Variants in GRK5 observed in about 807,000 individuals in gnomAD.
The protein encoded by GRK5 is g protein-coupled receptor kinase GRK5.
In GRK5, 40 loss-of-function variants were observed where a neutral mutation model predicts 78.4. That is an observed-to-expected ratio of 0.51 (90% CI 0.40 to 0.66). GRK5 has a LOEUF of 0.66. Among genes scored for constraint, GRK5 ranks in the 30% least tolerant of loss-of-function variants. The pLI, the probability that GRK5 is intolerant of heterozygous loss-of-function variation, is 0.00. For missense variants in GRK5, 598 were observed against 759.9 expected, an observed-to-expected ratio of 0.79 and a Z score of 2.50; for synonymous variants, 289 against 296.8, an observed-to-expected ratio of 0.97 and a Z score of 0.27.
At chr10:119,209,487 G>GTTTTTTTTTTTTT (rs60169912) in intron 1 of GRK5, among the ~76,000 whole-genome samples, 1 of 98,924 alleles carries the variant, frequency 1.0e-5, no homozygotes, top group African/African-American at 3.7e-5. Context: ...TGTGTGTGTG[G>GTTTTTTTTTTTTT]TTTTTTTTTT....
Position 119,455,683 on chromosome 10 carries a change from G to C in GRK5, c.*616G>C. The C allele has an allele frequency of 4.1e-6, 1 of 243,850 alleles. No homozygotes were observed. The highest frequency in any genetic ancestry group is 7.9e-6 in the Non-Finnish European group (1 of 126,592). 15.1% of individuals were successfully genotyped at this position (243,850 alleles called of 1,614,324 possible). ...ATCTCTGGAGCCATTTCCTCACATT[G>C]GTGTCACCCTTCTGTCGGCTTGGAA... On this transcript the variant is annotated 3_prime_UTR_variant, in exon 16 of 16. Transcript: ENST00000392870.
intron 2 of GRK5, among the ~76,000 whole-genome samples, chr10:119,357,774 A>G (rs1459800606): frequency 7.9e-5 from 12 of 152,058 alleles, no homozygotes. Flanking sequence ...CCACGTAGTT[A>G]AGTCTCCCTC....
At chr10:119,390,391 A>C (rs557790039) in intron 3 of GRK5, among the ~76,000 whole-genome samples, 32 of 152,322 alleles carry the variant, frequency 2.1e-4, no homozygotes, top group African/African-American at 7.7e-4. Context: ...TGCCCTTTAT[A>C]AAACCATCAG....
intron 2 of GRK5, among the ~76,000 whole-genome samples, chr10:119,338,902 A>C (rs1423300295): frequency 6.6e-6 from 1 of 152,234 alleles, no homozygotes; most frequent in African/African-American, 2.4e-5. Context: ...TTTTCCACCT[A>C]GTTTTTGCCA....
intron 1 of GRK5, among the ~76,000 whole-genome samples, chr10:119,219,374 T>G (rs2090283185): frequency 6.6e-6 from 1 of 152,202 alleles, no homozygotes; most frequent in African/African-American, 2.4e-5. Context: ...CCACCACACT[T>G]GACTCTTTGC....
intron 1 of GRK5, among the ~76,000 whole-genome samples, chr10:119,229,773 G>A (rs1848796534): frequency 6.6e-6 from 1 of 152,206 alleles, no homozygotes; most frequent in Admixed American, 6.5e-5. Flanking sequence ...CAGGTGGCTG[G>A]TGGTATGAAG....
In GRK5 at chr10:119,431,177, G is replaced by A. The variant is rs1320879357; in HGVS notation, c.598-210G>A. 6.6e-6 allele frequency among the ~76,000 whole-genome samples: 1 copy of A among 152,190 alleles called. No homozygotes were observed. The highest frequency in any genetic ancestry group is 1.9e-4 in the East Asian group (1 of 5,180). ...CAGGGCTGGGAATCCTTGAAGGAGAGGAGGAGGGAGGGCAAGGGCCCAGGA... is the reference window on the plus strand; with the variant it reads ...CAGGGCTGGGAATCCTTGAAGGAGAAGAGGAGGGAGGGCAAGGGCCCAGGA... On this transcript the variant is annotated intron_variant, in intron 7 of 15. Transcript: ENST00000392870. The surrounding 1 kb of genome is among the most constrained non-coding windows in gnomAD (Gnocchi z 4.8).
chr10:119,263,747 C>A (rs549799558), intron 1 of GRK5, among the ~76,000 whole-genome samples: 1 of 152,116 alleles, frequency 6.6e-6, no homozygotes, highest in African/African-American at 2.4e-5. Context: ...CATGGTGAAA[C>A]CCCATCTCTA....
intron 2 of GRK5, 39 bp downstream of exon 2, chr10:119,326,650 A>G (rs768774762): frequency 2.7e-6 from 4 of 1,493,602 alleles, no homozygotes. Flanking sequence ...GGGAGTGAGT[A>G]GCAGGTGATC....
chr10:119,374,014 C>T (rs551036263), intron 2 of GRK5, among the ~76,000 whole-genome samples: 1 of 152,196 alleles, frequency 6.6e-6, no homozygotes, highest in South Asian at 2.1e-4. Flanking sequence ...GTTTGCCTAC[C>T]CTTGCCTTAG....
intron 1 of GRK5, among the ~76,000 whole-genome samples, chr10:119,318,847 T>C (rs1350859834): frequency 6.6e-6 from 1 of 152,142 alleles, no homozygotes; most frequent in African/African-American, 2.4e-5. Flanking sequence ...GCAACAAGAA[T>C]AACAGCAAGC....
At chr10:119,293,915 C>G (rs1589727127) in intron 1 of GRK5, among the ~76,000 whole-genome samples, 1 of 152,254 alleles carries the variant, frequency 6.6e-6, no homozygotes, top group Non-Finnish European at 1.5e-5. Flanking sequence ...CAAGAGCACT[C>G]TGTGTCTTTT....
intron 1 of GRK5, among the ~76,000 whole-genome samples, chr10:119,281,074 A>ATC (rs1368883479): frequency 6.6e-6 from 1 of 151,738 alleles, no homozygotes; most frequent in Admixed American, 6.6e-5. Context: ...CACCACGCCC[A>ATC]TCTGATTTCC....
chr10:119,346,972 G>T lies in GRK5; in HGVS notation c.148+20361G>T, dbSNP rs150485873. On this transcript the variant is annotated intron_variant, in intron 2 of 15. Coordinates refer to ENST00000392870, the MANE Select transcript of GRK5 (RefSeq NM_005308.3). ...CTTACGGAGATTAGACTGATTTGCT[G>T]TGTTTTGAGTTCATTTTCTCCACCC... Among the ~76,000 whole-genome samples the T allele has an allele frequency of 7.2e-3, 1,097 of 152,282 alleles. 14 individuals carry two copies. The highest frequency in any genetic ancestry group is 0.025 in the African/African-American group (1,058 of 41,544).
At chr10:119,426,386 A>C (rs1488138798) in intron 6 of GRK5, among the ~76,000 whole-genome samples, 1 of 152,176 alleles carries the variant, frequency 6.6e-6, no homozygotes, top group Admixed American at 6.5e-5. Context: ...CTTGAGAGGC[A>C]AAGGATTGGC....
chr10:119,314,696 C>G (rs1850454225), intron 1 of GRK5, among the ~76,000 whole-genome samples: 1 of 152,216 alleles, frequency 6.6e-6, no homozygotes, highest in African/African-American at 2.4e-5. Flanking sequence ...ATTTTGGCAG[C>G]CCTTCATGTT....
At chr10:119,403,703 G>T (rs1298508053) in intron 4 of GRK5, among the ~76,000 whole-genome samples, 1 of 151,844 alleles carries the variant, frequency 6.6e-6, no homozygotes, top group Admixed American at 6.6e-5. Flanking sequence ...GCGGGATCTC[G>T]GCTCACTGTA....
At chr10:119,380,132 G>A (rs1589774517) in intron 2 of GRK5, among the ~76,000 whole-genome samples, 1 of 152,298 alleles carries the variant, frequency 6.6e-6, no homozygotes, top group East Asian at 1.9e-4. Context: ...TGAATTAGAA[G>A]TAATTTCTAA....
At position 119,415,081 on chromosome 10, in the gene GRK5, CAAAAAAAAAAAAA is replaced by C. The variant is rs762165768; in HGVS notation, c.340-8075_340-8063del. Among the ~76,000 whole-genome samples, 9 of 75,742 alleles carry C rather than the reference CAAAAAAAAAAAAA, an allele frequency of 1.2e-4. 1 individual carries two copies. In the Admixed American group the frequency reaches 1.4e-3, roughly 12 times the overall value. 49.7% of individuals were successfully genotyped at this position (75,742 alleles called of 152,430 possible). A position where few individuals can be genotyped will look rare whatever the true frequency, so the allele number is the denominator to read the frequency against. ...TGGGTGACAGAGTGAGACTCTGTCT[CAAAAAAAAAAAAA>C]AAAAAAAAAGAAAAAGAAAAAAGAA... On this transcript the variant is annotated intron_variant, in intron 4 of 15. Coordinates refer to ENST00000392870, the MANE Select transcript of GRK5 (RefSeq NM_005308.3).
Sources: allele counts gnomAD v4.1 joint callset (sites outside exome capture counted in the v4.1 genomes callset), GRCh38; gene constraint gnomAD v4.1.1; non-coding constraint Gnocchi (gnomAD v3.1); transcripts MANE v1.5; gene names NCBI Gene and HGNC (gene_info 2026-07-23, HGNC 2026-07-21).